Variants in ANO2 observed in about 807,000 individuals in gnomAD.
ANO2 encodes anoctamin-2.
In ANO2, 101 loss-of-function variants were observed where a neutral mutation model predicts 124.2. The ratio of observed to expected loss-of-function variants is 0.81; its 90% CI spans 0.69 to 0.96. The LOEUF is 0.96. Ranked by LOEUF, ANO2 falls within the 40% of genes least tolerant of loss-of-function variation. The pLI is 0.00. For synonymous variants in ANO2, 486 were observed against 482.5 expected, an observed-to-expected ratio of 1.01 and a Z score of -0.09; for missense variants, 1,293 against 1,274.5, an observed-to-expected ratio of 1.01 and a Z score of -0.22.
At chr12:5,731,099 G>A (rs1950614402) in intron 14 of ANO2, among the ~76,000 whole-genome samples, 1 of 152,186 alleles carries the variant, frequency 6.6e-6, no homozygotes, top group Non-Finnish European at 1.5e-5. Context: ...TGAGTCAGTG[G>A]TCAATAAAAG....
chr12:5,779,361 T>C (rs1162849352), intron 10 of ANO2, among the ~76,000 whole-genome samples: 1 of 152,218 alleles, frequency 6.6e-6, no homozygotes, highest in East Asian at 1.9e-4. Flanking sequence ...CCATTCTCAA[T>C]TTAAATAATC....
At chr12:5,850,996 G>C (rs1037628908) in intron 4 of ANO2, among the ~76,000 whole-genome samples, 80 of 152,256 alleles carry the variant, frequency 5.3e-4, no homozygotes, top group African/African-American at 1.9e-3. Flanking sequence ...GAGGCTCTGA[G>C]AGATGGGATG....
chr12:5,712,337 G>A (rs1172834195), intron 14 of ANO2, among the ~76,000 whole-genome samples: 3 of 152,110 alleles, frequency 2.0e-5, no homozygotes, highest in African/African-American at 7.2e-5. Flanking sequence ...ATCTCAAGAT[G>A]AGATCATCAT....
Position 5,804,906 on chromosome 12 carries a change from C to T in ANO2, c.990+1146G>A, listed in dbSNP as rs1359772371. Among the ~76,000 whole-genome samples the T allele has an allele frequency of 2.6e-5, 4 of 151,998 alleles. No homozygotes were observed. The South Asian group carries it at 8.4e-4, about 32-fold the overall frequency. ...TACACAGGCAATGGATGGTGATCAC[C>T]ATTTAAAGGGAAGGAAGGAAAAATT... On this transcript the variant is annotated intron_variant, in intron 9 of 24. Coordinates refer to ENST00000682330, the MANE Select transcript of ANO2 (RefSeq NM_001364791.2).
chr12:5,608,307 C>T (rs1944317640), intron 19 of ANO2, among the ~76,000 whole-genome samples: 1 of 150,018 alleles, frequency 6.7e-6, no homozygotes, highest in African/African-American at 2.5e-5. Context: ...TATGACCAAA[C>T]TCAAAATACA....
chr12:5,614,754 C>T (rs1260127893), intron 17 of ANO2, among the ~76,000 whole-genome samples: 1 of 152,120 alleles, frequency 6.6e-6, no homozygotes, highest in Non-Finnish European at 1.5e-5. Context: ...CCTGAGAATC[C>T]CAGAGCTTGC....
chr12:5,597,727 T>C (rs1384068460), intron 20 of ANO2, among the ~76,000 whole-genome samples: 2 of 152,186 alleles, frequency 1.3e-5, no homozygotes, highest in African/African-American at 2.4e-5. Flanking sequence ...GTTCCTAATG[T>C]AGGCCCTTCC....
intron 9 of ANO2, among the ~76,000 whole-genome samples, chr12:5,803,318 G>A (rs114436687): frequency 9.8e-4 from 150 of 152,296 alleles, no homozygotes; most frequent in African/African-American, 3.5e-3. Context: ...TCCTCAGTTG[G>A]AACCAAGAAG....
In ANO2 at chr12:5,830,512, T is replaced by C. The variant is rs566945276; in HGVS notation, c.786-23A>G. The C allele has an allele frequency of 7.0e-5, 113 of 1,604,870 alleles. 3 individuals are homozygous for C. In the South Asian group the frequency reaches 1.1e-3, roughly 16 times the overall value. Reference sequence around the variant, plus strand: ...TACCTGGAGACACCAAGAGAGCAGATGGCAAATTCATTTCATTACCCTTGC... The same window carrying C: ...TACCTGGAGACACCAAGAGAGCAGACGGCAAATTCATTTCATTACCCTTGC... On this transcript the variant is annotated intron_variant, in intron 5 of 24. Coordinates refer to ENST00000682330, the MANE Select transcript of ANO2 (RefSeq NM_001364791.2).
chr12:5,914,181 C>CA (rs1246644555), intron 3 of ANO2, among the ~76,000 whole-genome samples: 1 of 147,020 alleles, frequency 6.8e-6, no homozygotes, highest in Admixed American at 7.0e-5. Flanking sequence ...GCCTAGGTGA[C>CA]AGAGTGAGAC....
rs1415293515 is a variant in ANO2, at chr12:5,832,432, C to T, written c.785+20G>A. ...TCCTATCCCTTCCCACATCTCTGCTCCAGCAGCTTCAATACTCACAGGTAC... is the reference window on the plus strand; with the variant it reads ...TCCTATCCCTTCCCACATCTCTGCTTCAGCAGCTTCAATACTCACAGGTAC... On this transcript the variant is annotated intron_variant, in intron 5 of 24. Transcript: ENST00000682330. The T allele has an allele frequency of 6.2e-7, 1 of 1,613,498 alleles. No homozygotes were observed. Among genetic ancestry groups the T allele is most frequent in the African/African-American group, 1.3e-5 (1 of 74,926 alleles).
At chr12:5,906,438 T>C (rs1196208843) in intron 3 of ANO2, among the ~76,000 whole-genome samples, 1 of 151,660 alleles carries the variant, frequency 6.6e-6, no homozygotes, top group Non-Finnish European at 1.5e-5. Context: ...GTAGGATCAC[T>C]TGAGGCCAGG....
intron 10 of ANO2, among the ~76,000 whole-genome samples, chr12:5,778,789 A>G (rs1952302839): frequency 6.6e-6 from 1 of 152,236 alleles, no homozygotes; most frequent in Non-Finnish European, 1.5e-5. Flanking sequence ...GAAGAAAAAA[A>G]TTTTGAGTCC....
chr12:5,631,150 A>G (rs1284332934), intron 16 of ANO2, among the ~76,000 whole-genome samples: 3 of 152,192 alleles, frequency 2.0e-5, no homozygotes, highest in Admixed American at 2.0e-4. Context: ...AGCCTAGTCT[A>G]TTCTAACACT....
chr12:5,923,223 CACATGCACACAT>C (rs1941897013), intron 1 of ANO2, among the ~76,000 whole-genome samples: 1 of 126,284 alleles, frequency 7.9e-6, no homozygotes, highest in Non-Finnish European at 1.8e-5. Flanking sequence ...CATACACACA[CACATGCACACAT>C]ACACACACGC....
rs144783949 is a variant in ANO2 at position 5,908,855 on chromosome 12, G to A, written c.534+12185C>T. On this transcript the variant is annotated intron_variant, in intron 3 of 24. Transcript: ENST00000682330. This position sits in a 1 kb window ranked among gnomAD's most constrained non-coding sequence, Gnocchi z 4.7. Reference sequence around the variant, plus strand: ...ATAGGGAAGGCAGGGAATAAGTGGGGTGCACCATTGCTTGTATTGGTGCCT... The same window carrying A: ...ATAGGGAAGGCAGGGAATAAGTGGGATGCACCATTGCTTGTATTGGTGCCT... 6.6e-6 allele frequency among the ~76,000 whole-genome samples: 1 copy of A among 152,300 alleles called. No individual in the cohort carries two copies. The highest frequency in any genetic ancestry group is 6.5e-5 in the Admixed American group (1 of 15,292).
At chr12:5,765,043 C>A (rs775089578) in intron 10 of ANO2, among the ~76,000 whole-genome samples, 11 of 152,126 alleles carry the variant, frequency 7.2e-5, no homozygotes, top group African/African-American at 2.4e-4. Context: ...ATGCTATCAG[C>A]CAGAGAGGCA....
intron 3 of ANO2, among the ~76,000 whole-genome samples, chr12:5,868,850 G>A (rs1217445542): frequency 2.9e-5 from 4 of 139,420 alleles, no homozygotes; most frequent in Admixed American, 6.7e-5. Context: ...CAAACTGGGC[G>A]GCTCTGCAAA....
chr12:5,909,341 AAACT>A (rs1940897774), intron 3 of ANO2, among the ~76,000 whole-genome samples: 29 of 152,248 alleles, frequency 1.9e-4, no homozygotes, highest in Admixed American at 1.9e-3. Context: ...TAAATTGAGA[AAACT>A]ATCTTTATTC....
Sources: allele counts gnomAD v4.1 joint callset (sites outside exome capture counted in the v4.1 genomes callset), GRCh38; gene constraint gnomAD v4.1.1; non-coding constraint Gnocchi (gnomAD v3.1); transcripts MANE v1.5; gene names NCBI Gene and HGNC (gene_info 2026-07-23, HGNC 2026-07-21).